PARM1: variants seen among roughly 807,000 people sequenced by gnomAD.
PARM1 encodes WSC4, cell wall integrity and stress response component 4 homolog.
PARM1 carries 14 observed loss-of-function variants against 24.6 expected under a neutral mutation model. The ratio of observed to expected loss-of-function variants is 0.57; its 90% CI spans 0.38 to 0.89. PARM1 has a LOEUF of 0.89. Ranked by LOEUF, PARM1 falls within the 40% of genes least tolerant of loss-of-function variation. PARM1 has a pLI of 0.00. For missense variants in PARM1, 362 were observed against 380.4 expected (o/e 0.95, Z 0.40); for synonymous variants, 179 against 156.6 (o/e 1.14, Z -1.07).
At chr4:74,939,912 T>C (rs1331485282) in intron 1 of PARM1, among the ~76,000 whole-genome samples, 1 of 152,232 alleles carries the variant, frequency 6.6e-6, no homozygotes, top group East Asian at 1.9e-4. Context: ...GATGATAACA[T>C]CTTCCACTTA....
intron 1 of PARM1, among the ~76,000 whole-genome samples, chr4:74,960,286 A>G (rs985609923): frequency 1.3e-5 from 2 of 152,194 alleles, no homozygotes; most frequent in Non-Finnish European, 2.9e-5. Context: ...GTGCACTTTC[A>G]TTTAATTTTT....
intron 1 of PARM1, among the ~76,000 whole-genome samples, chr4:74,938,887 GC>G (rs1339509554): frequency 2.0e-5 from 3 of 152,224 alleles, no homozygotes; most frequent in African/African-American, 7.2e-5. Flanking sequence ...TCTCATCTGT[GC>G]TTTTCATTGG....
At chr4:74,945,344 T>G (rs118091713) in intron 1 of PARM1, among the ~76,000 whole-genome samples, 1 of 152,352 alleles carries the variant, frequency 6.6e-6, no homozygotes, top group East Asian at 1.9e-4. Flanking sequence ...ATTATGAATA[T>G]TGTTAATCAC....
intron 2 of PARM1, among the ~76,000 whole-genome samples, chr4:75,014,808 T>C (rs749579918): frequency 1.3e-4 from 20 of 152,172 alleles, no homozygotes; most frequent in Non-Finnish European, 2.5e-4. Context: ...ACCTTTTTTA[T>C]ACCTCCAGGC....
At chr4:75,011,959 G>A (rs559124097) in intron 1 of PARM1, among the ~76,000 whole-genome samples, 4 of 152,218 alleles carry the variant, frequency 2.6e-5, no homozygotes, top group South Asian at 4.2e-4. Context: ...GGGATGGAAC[G>A]AGACTGAAGC....
chr4:75,025,311 C>G (rs1409124423), intron 2 of PARM1, among the ~76,000 whole-genome samples: 1 of 152,182 alleles, frequency 6.6e-6, no homozygotes, highest in African/African-American at 2.4e-5. Context: ...ATCCCAGACA[C>G]TTAGCTGGAG....
At position 75,012,649 on chromosome 4, in the gene PARM1, A is replaced by G. The variant is rs746354916; in HGVS notation, c.268A>G (p.Ile90Val). ...TTCCATAGAGTCCAGAGAAGAGGAG[A>G]TCACCAGCCCAGGTTCGAATTGGGA... ...NISIESREEE[I>V]TSPGSNWEGT... The change falls in exon 2 of 4, where the codon ATC (isoleucine) becomes GTC (valine). Residue 90 changes from isoleucine (I) to valine (V), a missense_variant. Transcript: ENST00000307428. 198 of 1,613,854 alleles carry G rather than the reference A, an allele frequency of 1.2e-4. No homozygotes were observed. Among genetic ancestry groups the G allele is most frequent in the Non-Finnish European group, 1.7e-4 (195 of 1,179,888 alleles).
At chr4:74,973,954 T>A (rs1722092456) in intron 1 of PARM1, among the ~76,000 whole-genome samples, 1 of 152,156 alleles carries the variant, frequency 6.6e-6, no homozygotes, top group African/African-American at 2.4e-5. Flanking sequence ...TTACAGTGGC[T>A]GGGAAGTACC....
At chr4:75,011,018 A>T (rs115301806) in intron 1 of PARM1, among the ~76,000 whole-genome samples, 1 of 152,258 alleles carries the variant, frequency 6.6e-6, no homozygotes, top group South Asian at 2.1e-4. Context: ...GGCACATCTC[A>T]TGGTGAGAAT....
rs1161399344 is a variant in PARM1 at position 75,020,009 on chromosome 4, CAAAAAAAAAA to C, written c.769+6878_769+6887del. Among the ~76,000 whole-genome samples the C allele has an allele frequency of 2.9e-4, 9 of 31,100 alleles. 1 individual carries two copies. The highest frequency in any genetic ancestry group is 6.9e-3 in the South Asian group (2 of 290). The allele number at this position is 31,100 out of a possible 152,430, so 20.4% of individuals were successfully genotyped here. ...TGGGCGACAGAACGAGACTCCGTCTCAAAAAAAAAAAAAAAAAAAAAAAAAAAAGAAAATT... is the reference window on the plus strand; with the variant it reads ...TGGGCGACAGAACGAGACTCCGTCTCAAAAAAAAAAAAAAAAAAGAAAATT... On this transcript the variant is annotated intron_variant, in intron 2 of 3. Coordinates refer to ENST00000307428, the MANE Select transcript of PARM1 (RefSeq NM_015393.4).
At chr4:75,022,553 A>G (rs371821831) in intron 2 of PARM1, among the ~76,000 whole-genome samples, 2 of 152,204 alleles carry the variant, frequency 1.3e-5, no homozygotes, top group East Asian at 3.8e-4. Flanking sequence ...CTTTTATTAC[A>G]TTTGGAAAGT....
chr4:74,947,871 C>T (rs80234287), intron 1 of PARM1, among the ~76,000 whole-genome samples: 6,188 of 152,106 alleles, frequency 0.041, 408 homozygotes, highest in African/African-American at 0.14. Flanking sequence ...AAAACAAGTC[C>T]GCAGTGTTTA....
rs138755359 is a variant in PARM1, at chr4:74,941,571, C to G, written c.43+8201C>G. On this transcript the variant is annotated intron_variant, in intron 1 of 3. Transcript: ENST00000307428. ...AATTCATTTGATTTCATTTTTAGAG[C>G]AATAAGGGATACCTCTTCAAATTTA... Among the ~76,000 whole-genome samples, 338 of 152,240 alleles carry G rather than the reference C, an allele frequency of 2.2e-3. 1 individual carries two copies. The highest frequency in any genetic ancestry group is 7.7e-3 in the African/African-American group (319 of 41,540).
At chr4:74,944,577 C>T (rs531337363) in intron 1 of PARM1, among the ~76,000 whole-genome samples, 14 of 152,030 alleles carry the variant, frequency 9.2e-5, no homozygotes, top group South Asian at 6.2e-4. Flanking sequence ...CCATGTTCTC[C>T]GAGTGAAATG....
intron 2 of PARM1, among the ~76,000 whole-genome samples, chr4:75,019,601 A>G (rs1430753668): frequency 6.6e-6 from 1 of 152,256 alleles, no homozygotes; most frequent in African/African-American, 2.4e-5. Flanking sequence ...AGACATCTCT[A>G]TGTCCATACC....
chr4:74,948,446 A>G (rs1471040005), intron 1 of PARM1, among the ~76,000 whole-genome samples: 1 of 152,242 alleles, frequency 6.6e-6, no homozygotes, highest in Non-Finnish European at 1.5e-5. Flanking sequence ...GAGAAGTAAC[A>G]CATTAACTTA....
chr4:74,967,167 T>A (rs2109992701), intron 1 of PARM1: 1 of 152,332 alleles, frequency 6.6e-6, no homozygotes, highest in East Asian at 1.9e-4. Flanking sequence ...GCACATTAAT[T>A]CACATTAACA....
chr4:74,985,511 G>T (rs997911664), intron 1 of PARM1, among the ~76,000 whole-genome samples: 1 of 152,160 alleles, frequency 6.6e-6, no homozygotes, highest in African/African-American at 2.4e-5. Flanking sequence ...CACAAGTGAA[G>T]AAATTGAGGT....
intron 3 of PARM1, 29 bp from the exon 4 acceptor site, chr4:75,046,134 A>G (rs1454559610): frequency 1.3e-6 from 2 of 1,528,570 alleles, no homozygotes; most frequent in Non-Finnish European, 1.8e-6. Context: ...TTTCCAAGTA[A>G]TCACAACCCT....
Sources: gnomAD v4.1 joint callset for allele counts (sites outside exome capture counted in the v4.1 genomes callset) on GRCh38, gnomAD v4.1.1 for gene constraint, MANE v1.5 for transcripts, NCBI Gene and HGNC (gene_info 2026-07-23, HGNC 2026-07-21) for gene names.